Variants in SEL1L2 observed in about 807,000 individuals in gnomAD.
The protein encoded by SEL1L2 is SEL1L2 adaptor subunit of SYVN1 ubiquitin ligase.
A neutral mutation model predicts 98.8 loss-of-function variants in SEL1L2; 89 were observed. The observed-to-expected ratio is 0.90, with a 90% CI of 0.76 to 1.07. The LOEUF is 1.07. Among genes scored for constraint, SEL1L2 ranks in the 50% least tolerant of loss-of-function variants. SEL1L2 has a pLI of 0.00. For synonymous variants in SEL1L2, 262 were observed against 278.5 expected, an observed-to-expected ratio of 0.94 and a Z score of 0.59; for missense variants, 788 against 812.0, an observed-to-expected ratio of 0.97 and a Z score of 0.36.
intron 1 of SEL1L2, among the ~76,000 whole-genome samples, chr20:13,981,788 C>T (rs1420760566): frequency 6.6e-6 from 1 of 152,210 alleles, no homozygotes; most frequent in Non-Finnish European, 1.5e-5. Flanking sequence ...GGGAGAGATG[C>T]TCCAGATACT....
chr20:13,948,469 A>C (rs1247211267), intron 2 of SEL1L2, among the ~76,000 whole-genome samples: 1 of 152,236 alleles, frequency 6.6e-6, no homozygotes, highest in African/African-American at 2.4e-5. Context: ...ATATGATCAA[A>C]TGATATTAAA....
At chr20:13,852,522 C>T (rs1988443043) in intron 18 of SEL1L2, among the ~76,000 whole-genome samples, 1 of 152,132 alleles carries the variant, frequency 6.6e-6, no homozygotes, top group African/African-American at 2.4e-5. Flanking sequence ...AAAAAATCTC[C>T]TCCAGATGGT....
intron 17 of SEL1L2, among the ~76,000 whole-genome samples, chr20:13,861,760 T>G (rs1990177917): frequency 6.6e-6 from 1 of 152,164 alleles, no homozygotes; most frequent in Non-Finnish European, 1.5e-5. Flanking sequence ...CCTTACGACC[T>G]ACAAGTTATG....
intron 1 of SEL1L2, among the ~76,000 whole-genome samples, chr20:13,975,992 T>G (rs1439068078): frequency 2.0e-5 from 3 of 150,548 alleles, no homozygotes; most frequent in Non-Finnish European, 4.4e-5. Context: ...CACCAAGGTT[T>G]TTTGTTTGTT....
At chr20:13,961,873 G>A (rs2050788804) in intron 1 of SEL1L2, among the ~76,000 whole-genome samples, 1 of 152,178 alleles carries the variant, frequency 6.6e-6, no homozygotes, top group African/African-American at 2.4e-5. Flanking sequence ...ATGGACCAGT[G>A]ACTAGTATAT....
At chr20:13,869,225 C>G (rs1288147327) in intron 14 of SEL1L2, among the ~76,000 whole-genome samples, 1 of 152,110 alleles carries the variant, frequency 6.6e-6, no homozygotes, top group Non-Finnish European at 1.5e-5. Flanking sequence ...TTTGACCTTT[C>G]TCGTGAGTGT....
intron 17 of SEL1L2, among the ~76,000 whole-genome samples, chr20:13,862,299 G>C (rs1394481133): frequency 6.6e-6 from 1 of 152,164 alleles, no homozygotes; most frequent in Admixed American, 6.6e-5. Context: ...GTCCACTTAG[G>C]GATGACCCTT....
At chr20:13,861,164 C>CT (rs943791843) in intron 17 of SEL1L2, among the ~76,000 whole-genome samples, 19 of 151,734 alleles carry the variant, frequency 1.3e-4, no homozygotes, top group Admixed American at 4.6e-4. Flanking sequence ...CCAGGATGAT[C>CT]TTTTTTTTTA....
chr20:13,920,149 A>C (rs1165052480), intron 3 of SEL1L2, among the ~76,000 whole-genome samples: 1 of 147,216 alleles, frequency 6.8e-6, no homozygotes, highest in East Asian at 2.0e-4. Flanking sequence ...GATCCCTTGA[A>C]CTCAGGAGGC....
chr20:13,986,257 T>C (rs991827747), intron 1 of SEL1L2, among the ~76,000 whole-genome samples: 1 of 152,186 alleles, frequency 6.6e-6, no homozygotes, highest in African/African-American at 2.4e-5. Flanking sequence ...GTGAAATCCA[T>C]ATAACATAAA....
Position 13,869,550 on chromosome 20 carries a change from T to C in SEL1L2, c.1208A>G (p.Glu403Gly), listed in dbSNP as rs2046085340. The C allele has an allele frequency of 3.1e-6, 5 of 1,614,152 alleles. No homozygotes were observed. Among genetic ancestry groups the C allele is most frequent in the South Asian group, 2.2e-5 (2 of 91,080 alleles). Reference protein sequence around the residue: ...EALKYFQKAAEKGWPDAQFQL... With the variant: ...EALKYFQKAAGKGWPDAQFQL... ...GAACTGTGCGTCGGGCCACCCTTTTTCCGCAGCTTTCTGAAAGTATTTAAG... is the reference window on the plus strand; with the variant it reads ...GAACTGTGCGTCGGGCCACCCTTTTCCCGCAGCTTTCTGAAAGTATTTAAG... The change falls in exon 14 of 20, where the codon GAA (glutamate) becomes GGA (glycine). Residue 403 changes from glutamate (E) to glycine (G), a missense_variant. Glu to Gly is a moderately conservative substitution (Grantham distance 98). Coordinates refer to ENST00000284951, the MANE Select transcript of SEL1L2 (RefSeq NM_025229.2).
At chr20:13,850,019 AC>A in intron 19 of SEL1L2, 171 bp downstream of exon 19, 1 of 664,972 alleles carries the variant, frequency 1.5e-6, no homozygotes, top group Non-Finnish European at 2.5e-6. Context: ...GTCAACACAT[AC>A]TCAATAGAAC....
chr20:13,862,228 G>T (rs975959918), intron 17 of SEL1L2, among the ~76,000 whole-genome samples: 1 of 152,174 alleles, frequency 6.6e-6, no homozygotes, highest in Non-Finnish European at 1.5e-5. Flanking sequence ...CAACAAACAT[G>T]AATATGTCAA....
intron 17 of SEL1L2, among the ~76,000 whole-genome samples, chr20:13,864,693 A>G (rs765485165): frequency 1.3e-5 from 2 of 152,182 alleles, no homozygotes; most frequent in Non-Finnish European, 2.9e-5. Context: ...TAATGATTGT[A>G]GTAAAGATCT....
intron 5 of SEL1L2, 123 bp from the exon 6 acceptor site, chr20:13,888,635 C>CTTTT (rs71188192): frequency 0.12 from 24,518 of 202,030 alleles, 2,186 homozygotes; most frequent in African/African-American, 0.21. Context: ...CTTTCTTTCT[C>CTTTT]TTTTTTTTTT....
At chr20:13,866,519 C>G (rs4814270) in intron 15 of SEL1L2, among the ~76,000 whole-genome samples, 183 bp downstream of exon 15, 49,496 of 151,970 alleles carry the variant, frequency 0.33, 8,392 homozygotes, top group Middle Eastern at 0.53. Context: ...TCTCTGTCTC[C>G]CTTCCCCAAC....
intron 2 of SEL1L2, among the ~76,000 whole-genome samples, chr20:13,947,483 A>G (rs1192661818): frequency 6.6e-6 from 1 of 152,158 alleles, no homozygotes; most frequent in South Asian, 2.1e-4. Flanking sequence ...CTGTCGCTCA[A>G]TGAAGCACCT....
chr20:13,935,623 T>C (rs1449235831), intron 2 of SEL1L2, among the ~76,000 whole-genome samples: 1 of 149,792 alleles, frequency 6.7e-6, no homozygotes, highest in African/African-American at 2.5e-5. Flanking sequence ...TGGAGCAGAG[T>C]GAGTGGGGTG....
At chr20:13,876,176 T>A (rs1396021496) in intron 11 of SEL1L2, 61 bp from the exon 12 acceptor site, 7 of 1,226,520 alleles carry the variant, frequency 5.7e-6, no homozygotes, top group Non-Finnish European at 1.2e-6. Flanking sequence ...AATGCAAATA[T>A]TTTAAAATGA....
Sources: allele counts gnomAD v4.1 joint callset (sites outside exome capture counted in the v4.1 genomes callset), GRCh38; gene constraint gnomAD v4.1.1; transcripts MANE v1.5; gene names NCBI Gene and HGNC (gene_info 2026-07-23, HGNC 2026-07-21).